Variants in CDH11 observed in about 807,000 individuals in gnomAD.
CDH11 encodes cadherin-11.
In CDH11, 11 loss-of-function variants were observed where a neutral mutation model predicts 67.8. The observed-to-expected ratio is 0.16, with a 90% CI of 0.10 to 0.27. CDH11 has a LOEUF of 0.27. CDH11 is among the 10% of genes least tolerant of loss of function. CDH11 has a pLI of 1.00. For synonymous variants in CDH11, 419 were observed against 400.0 expected, an observed-to-expected ratio of 1.05 and a Z score of -0.57; for missense variants, 847 against 1,031.2, an observed-to-expected ratio of 0.82 and a Z score of 2.45.
chr16:64,965,526 G>A (rs900992624), intron 11 of CDH11, among the ~76,000 whole-genome samples: 1 of 152,118 alleles, frequency 6.6e-6, no homozygotes, highest in African/African-American at 2.4e-5. Flanking sequence ...AACACACATG[G>A]AGCTGTTGTC....
intron 1 of CDH11, among the ~76,000 whole-genome samples, chr16:65,061,000 C>G (rs2074230129): frequency 6.6e-6 from 1 of 152,228 alleles, no homozygotes; most frequent in South Asian, 2.1e-4. Flanking sequence ...TTCTCTGCAT[C>G]TGACCTCTTC....
At position 64,998,803 on chromosome 16, in the gene CDH11, C is replaced by A; in HGVS notation, c.282G>T (p.Gly94=). The change falls in exon 4 of 13, where the codon GGG becomes GGT. Residue 94 remains glycine, a synonymous_variant. Coordinates refer to ENST00000268603, the MANE Select transcript of CDH11 (RefSeq NM_001797.4). ...GDGNIKYILS[G]EGAGTIFVID... is the part of the protein sequence containing the mutation. ...TCACAAAAATGGTTCCAGCTCCTTCCCCTGAGAGAATGTATTTAATGTTCC... is the reference window on the plus strand; with the variant it reads ...TCACAAAAATGGTTCCAGCTCCTTCACCTGAGAGAATGTATTTAATGTTCC... 2.5e-6 allele frequency: 4 copies of A among 1,614,042 alleles called. No homozygotes were observed. The highest frequency in any genetic ancestry group is 2.5e-6 in the Non-Finnish European group (3 of 1,179,930).
intron 1 of CDH11, among the ~76,000 whole-genome samples, chr16:65,060,900 CT>C (rs1450974214): frequency 6.6e-6 from 1 of 152,198 alleles, no homozygotes; most frequent in African/African-American, 2.4e-5. Flanking sequence ...CATCTGACTC[CT>C]GTCTGTCCCC....
chr16:65,110,211 C>T (rs968461738), intron 1 of CDH11, among the ~76,000 whole-genome samples: 1 of 152,174 alleles, frequency 6.6e-6, no homozygotes, highest in Non-Finnish European at 1.5e-5. Flanking sequence ...TCCAACCTTA[C>T]ACCCTATCTG....
chr16:65,007,159 C>T (rs2073075418), intron 2 of CDH11: 1 of 152,188 alleles, frequency 6.6e-6, no homozygotes, highest in Non-Finnish European at 1.5e-5. Context: ...GATACAGATC[C>T]ATTCCATTTT....
In CDH11 at chr16:65,103,815, G is replaced by A. The variant is rs183044938; in HGVS notation, c.-298+18065C>T. Among the ~76,000 whole-genome samples, 630 of 152,154 alleles carry A rather than the reference G, an allele frequency of 4.1e-3. 4 individuals carry two copies. The highest frequency in any genetic ancestry group is 7.0e-3 in the Non-Finnish European group (478 of 67,998). On this transcript the variant is annotated intron_variant, in intron 1 of 12. Coordinates refer to ENST00000268603, the MANE Select transcript of CDH11 (RefSeq NM_001797.4). ...AGACAGTATAAAAAAGATATGAAATGTCACATTAATAATGTTACATTGATT... is the reference window on the plus strand; with the variant it reads ...AGACAGTATAAAAAAGATATGAAATATCACATTAATAATGTTACATTGATT...
chr16:65,098,934 AC>A (rs1778384115), intron 1 of CDH11, among the ~76,000 whole-genome samples: 2 of 152,182 alleles, frequency 1.3e-5, no homozygotes, highest in South Asian at 4.2e-4. Context: ...GAATAAAATG[AC>A]CTTTGAGGTC....
chr16:64,977,613 G>A (rs2072209393), intron 8 of CDH11, among the ~76,000 whole-genome samples: 1 of 152,292 alleles, frequency 6.6e-6, no homozygotes, highest in African/African-American at 2.4e-5. Flanking sequence ...AGAGAATATA[G>A]TAATCAAACC....
intron 11 of CDH11, among the ~76,000 whole-genome samples, chr16:64,956,611 C>T (rs971511596): frequency 1.3e-5 from 2 of 152,148 alleles, no homozygotes; most frequent in Non-Finnish European, 2.9e-5. Flanking sequence ...TGCATGTTTT[C>T]CCCCACTTAG....
At chr16:64,968,405 C>A in intron 11 of CDH11, 1 of 983,800 alleles carries the variant, frequency 1.0e-6, no homozygotes, top group Middle Eastern at 5.2e-4. Context: ...ATGCCACATG[C>A]CTGGTATTTT....
intron 1 of CDH11, among the ~76,000 whole-genome samples, chr16:65,057,467 T>C (rs570373753): frequency 2.6e-5 from 4 of 152,196 alleles, no homozygotes; most frequent in Admixed American, 1.3e-4. Flanking sequence ...TCAGAGAGAC[T>C]AGAAATCAGG....
At chr16:64,984,710 T>G (rs1395752029) in intron 7 of CDH11, 4 of 152,194 alleles carry the variant, frequency 2.6e-5, no homozygotes, top group African/African-American at 9.7e-5. Flanking sequence ...ACTGTGAGAT[T>G]TTATTAAGGA....
intron 2 of CDH11, among the ~76,000 whole-genome samples, chr16:65,036,107 G>A (rs902528231): frequency 2.6e-5 from 4 of 152,096 alleles, no homozygotes; most frequent in Non-Finnish European, 1.5e-5. Context: ...TTTGCACACA[G>A]CCCTGTGTGT....
At chr16:65,032,993 C>T (rs1246065230) in intron 2 of CDH11, among the ~76,000 whole-genome samples, 1 of 152,178 alleles carries the variant, frequency 6.6e-6, no homozygotes, top group Non-Finnish European at 1.5e-5. Flanking sequence ...CAAGTTTGAG[C>T]AAATGATAAA....
In CDH11 at chr16:64,945,339, T is replaced by TC. The variant is rs2071178484; in HGVS notation, c.*2263dup. ...AAAAAAGAAAAAGAAAAACAAGTATTCTTAACTACTGAAAAGTAAACAGCC... is the reference window on the plus strand; with the variant it reads ...AAAAAAGAAAAAGAAAAACAAGTATTCCTTAACTACTGAAAAGTAAACAGCC... On this transcript the variant is annotated 3_prime_UTR_variant, in exon 13 of 13. Coordinates refer to ENST00000268603, the MANE Select transcript of CDH11 (RefSeq NM_001797.4). 1.0e-5 allele frequency: 9 copies of TC among 874,150 alleles called. No individual in the cohort carries two copies. The African/African-American group carries it at 1.4e-4, about 14-fold the overall frequency. 54.1% of individuals were successfully genotyped at this position (874,150 alleles called of 1,614,324 possible).
intron 3 of CDH11, among the ~76,000 whole-genome samples, chr16:64,999,126 G>A (rs1194228649): frequency 6.6e-6 from 1 of 151,964 alleles, no homozygotes; most frequent in Non-Finnish European, 1.5e-5. Context: ...CCATATATAT[G>A]CGCATATGCA....
At chr16:65,093,572 G>T (rs375145489) in intron 1 of CDH11, among the ~76,000 whole-genome samples, 1 of 152,030 alleles carries the variant, frequency 6.6e-6, no homozygotes, top group Non-Finnish European at 1.5e-5. Flanking sequence ...AAGGAGACAT[G>T]ATCCTTCAAA....
chr16:65,031,373 C>G (rs541740080), intron 2 of CDH11, among the ~76,000 whole-genome samples: 1 of 152,140 alleles, frequency 6.6e-6, no homozygotes, highest in Admixed American at 6.5e-5. Flanking sequence ...AATAGATGAA[C>G]GTAAAGAAAA....
intron 12 of CDH11, among the ~76,000 whole-genome samples, chr16:64,950,002 G>T (rs1396496766): frequency 6.6e-6 from 1 of 152,122 alleles, no homozygotes. Flanking sequence ...AAGCATCATG[G>T]CAAAAGTGTA....
Sources: allele counts gnomAD v4.1 joint callset (sites outside exome capture counted in the v4.1 genomes callset), GRCh38; gene constraint gnomAD v4.1.1; transcripts MANE v1.5; gene names NCBI Gene and HGNC (gene_info 2026-07-23, HGNC 2026-07-21).